DUSP10: variants seen among roughly 807,000 people sequenced by gnomAD.
DUSP10 encodes the protein dual specificity protein phosphatase 10.
A neutral mutation model predicts 30.8 loss-of-function variants in DUSP10; 14 were observed. That is an observed-to-expected ratio of 0.46 (90% CI 0.30 to 0.71). The LOEUF is 0.71. DUSP10 is among the 30% of genes least tolerant of loss of function. The pLI, the probability that DUSP10 is intolerant of heterozygous loss-of-function variation, is 0.08. For synonymous variants in DUSP10, 254 were observed against 250.4 expected, an observed-to-expected ratio of 1.01 and a Z score of -0.14; for missense variants, 550 against 619.4, an observed-to-expected ratio of 0.89 and a Z score of 1.19.
chr1:221,739,768 CAAG>C lies in DUSP10; in HGVS notation c.-27_-25del, dbSNP rs760865445. The C allele has an allele frequency of 6.5e-6, 10 of 1,548,868 alleles. No homozygotes were observed. In the East Asian group the frequency reaches 6.8e-5, roughly 10 times the overall value. ...ATGAGGAGGCTGAAAACTGGCAATT[CAAG>C]AAGAACTCAAGACAGTCTGTAAAGA... On this transcript the variant is annotated 5_prime_UTR_variant, in exon 2 of 4. Transcript: ENST00000366899.
rs1660770128 is a variant in DUSP10 at position 221,706,598 on chromosome 1, C to T, written c.812-132G>A. The T allele has an allele frequency of 1.7e-6, 1 of 575,698 alleles. No homozygotes were observed. The highest frequency in any genetic ancestry group is 4.2e-5 in the Admixed American group (1 of 23,830). 35.7% of individuals were successfully genotyped at this position (575,698 alleles called of 1,614,324 possible). On this transcript the variant is annotated intron_variant, in intron 2 of 3. Coordinates refer to ENST00000366899, the MANE Select transcript of DUSP10 (RefSeq NM_007207.6). This position sits in a 1 kb window ranked among gnomAD's most constrained non-coding sequence, Gnocchi z 4.6. Reference sequence around the variant, plus strand: ...ATACATATATAAATATGTATTTAAGCAAAAAAAATAAAAATAAAAATAAAA... The same window carrying T: ...ATACATATATAAATATGTATTTAAGTAAAAAAAATAAAAATAAAAATAAAA...
Position 221,702,319 on chromosome 1 carries a change from CA to C in DUSP10, c.*92del, listed in dbSNP as rs3215279. 0.089 allele frequency: 81,704 copies of C among 920,456 alleles called. 3 individuals carry two copies. The highest frequency in any genetic ancestry group is 0.14 in the South Asian group (6,084 of 42,258). 57.0% of individuals were successfully genotyped at this position (920,456 alleles called of 1,614,324 possible). On this transcript the variant is annotated 3_prime_UTR_variant, in exon 4 of 4. Transcript: ENST00000366899. This position sits in a 1 kb window ranked among gnomAD's most constrained non-coding sequence, Gnocchi z 4.5. ...CCATTCACAAACTTACTCCCAACTA[CA>C]AAAAAAAAAAGAAAGAAAAAAAACC...
chr1:221,730,732 C>G (rs1338431486), intron 2 of DUSP10, among the ~76,000 whole-genome samples: 1 of 152,076 alleles, frequency 6.6e-6, no homozygotes, highest in Non-Finnish European at 1.5e-5. Flanking sequence ...AACATACGCT[C>G]AAAGTTTCTT....
rs754236948 is a variant in DUSP10, at chr1:221,706,453, A to G, written c.825T>C (p.Ser275=). 6 of 1,514,982 alleles carry G rather than the reference A, an allele frequency of 4.0e-6. No individual in the cohort carries two copies. Among genetic ancestry groups the G allele is most frequent in the Non-Finnish European group, 5.3e-6 (6 of 1,131,726 alleles). 93.8% of individuals were successfully genotyped at this position (1,514,982 alleles called of 1,614,324 possible). A position where few individuals can be genotyped will look rare whatever the true frequency, so the allele number is the denominator to read the frequency against. Residue 275 remains serine (S), a synonymous_variant, in exon 3 of 4, where the codon AGT becomes AGC. Transcript: ENST00000366899. The surrounding 1 kb of genome is among the most constrained non-coding windows in gnomAD (Gnocchi z 4.6). ...AGAGGTTTTCATGGTTCTGCTTAAA[A>G]CTACTAAGTCCACCTAGAACACAAA... The part of the protein sequence containing the change: ...EPLVLKGGLS[S]FKQNHENLCD...
Position 221,739,409 on chromosome 1 carries a change from G to C in DUSP10, c.336C>G (p.Cys112Trp). The change falls in exon 2 of 4, where the codon TGC becomes TGG. Residue 112 changes from cysteine (C) to tryptophan (W), a missense_variant. Physicochemically the swap from Cys to Trp is radical, Grantham distance 215. Transcript: ENST00000366899. ...TATTGTTGACCATCTGGTTAGCAGG[G>C]CAGGTGGTAGAGGTTCCGATGGCAG... is the stretch of plus-strand genomic sequence containing the variant. Reference protein sequence around the residue: ...TTTAIGTSTTCPANQMVNNNE... With the variant: ...TTTAIGTSTTWPANQMVNNNE... The C allele has an allele frequency of 1.2e-6, 2 of 1,614,196 alleles. No individual in the cohort carries two copies. Among genetic ancestry groups the C allele is most frequent in the Non-Finnish European group, 1.7e-6 (2 of 1,180,042 alleles).
chr1:221,739,602 G>A lies in DUSP10; in HGVS notation c.143C>T (p.Thr48Ile). 1.2e-6 allele frequency: 2 copies of A among 1,614,220 alleles called. No individual in the cohort carries two copies. The highest frequency in any genetic ancestry group is 8.5e-7 in the Non-Finnish European group (1 of 1,180,036). ...GSNSHPPVIA[T>I]TVVSLKAANL... ...CGCAGCCTTGAGGGACACAACGGTGGTGGCGATGACAGGAGGGTGGCTGTT... is the reference window on the plus strand; with the variant it reads ...CGCAGCCTTGAGGGACACAACGGTGATGGCGATGACAGGAGGGTGGCTGTT... Residue 48 changes from threonine to isoleucine, a missense_variant, in exon 2 of 4, where the codon ACC (threonine) becomes ATC (isoleucine). Coordinates refer to ENST00000366899, the MANE Select transcript of DUSP10 (RefSeq NM_007207.6).
At chr1:221,736,876 C>T (rs1271843426) in intron 2 of DUSP10, 10 of 985,308 alleles carry the variant, frequency 1.0e-5, no homozygotes, top group African/African-American at 1.7e-5. Context: ...AGTCGACTGC[C>T]GCGGTGTCTC....
chr1:221,702,815 A>T lies in DUSP10; in HGVS notation c.1184-138T>A. 2.3e-6 allele frequency: 2 copies of T among 878,760 alleles called. No individual in the cohort carries two copies. The highest frequency in any genetic ancestry group is 5.5e-5 in the Admixed American group (2 of 36,050). 54.4% of individuals were successfully genotyped at this position (878,760 alleles called of 1,614,324 possible). A position where few individuals can be genotyped will look rare whatever the true frequency, so the allele number is the denominator to read the frequency against. ...TAAAACAGTTTTAAAGCCAAGTATA[A>T]TCCACTAGTTCATTACGTATACTTA... On this transcript the variant is annotated intron_variant, in intron 3 of 3. Coordinates refer to ENST00000366899, the MANE Select transcript of DUSP10 (RefSeq NM_007207.6). This position sits in a 1 kb window ranked among gnomAD's most constrained non-coding sequence, Gnocchi z 4.5.
At chr1:221,711,609 G>A (rs986380134) in intron 2 of DUSP10, 1 of 152,192 alleles carries the variant, frequency 6.6e-6, no homozygotes, top group Non-Finnish European at 1.5e-5. Context: ...GATTGCTTGA[G>A]TTAAAACTCC....
At position 221,737,350 on chromosome 1, in the gene DUSP10, GA is replaced by G. The variant is rs1215919840; in HGVS notation, c.811+1583del. ...CCCCAAGACAAACTATTACAAATGG[GA>G]AATTCCTCGGTAGGATTTTCTCATT... On this transcript the variant is annotated intron_variant, in intron 2 of 3. Transcript: ENST00000366899. 5 of 985,238 alleles carry G rather than the reference GA, an allele frequency of 5.1e-6. No individual in the cohort carries two copies. In the Admixed American group the frequency reaches 3.1e-4, roughly 61 times the overall value. The allele number at this position is 985,238 out of a possible 1,614,324, so 61.0% of individuals were successfully genotyped here.
chr1:221,718,961 C>A (rs1226600887), intron 2 of DUSP10, among the ~76,000 whole-genome samples: 2 of 152,170 alleles, frequency 1.3e-5, no homozygotes, highest in Non-Finnish European at 2.9e-5. Flanking sequence ...TGGGGGAAAG[C>A]AGTAAGCAAG....
In DUSP10 at chr1:221,706,091, T is replaced by C; in HGVS notation, c.1183+4A>G. The C allele has an allele frequency of 6.2e-7, 1 of 1,610,790 alleles. No homozygotes were observed. Among genetic ancestry groups the C allele is most frequent in the Non-Finnish European group, 8.5e-7 (1 of 1,177,800 alleles). ...GATGAAAATTCCCTATGGGAGATAGTTACCAATGAACTCAAAAGCCTCTTC... is the reference window on the plus strand; with the variant it reads ...GATGAAAATTCCCTATGGGAGATAGCTACCAATGAACTCAAAAGCCTCTTC... On this transcript the variant is annotated splice_donor_region_variant and intron_variant, in intron 3 of 3. Transcript: ENST00000366899. This position sits in a 1 kb window ranked among gnomAD's most constrained non-coding sequence, Gnocchi z 4.6.
intron 2 of DUSP10, among the ~76,000 whole-genome samples, chr1:221,738,607 A>C (rs967468474): frequency 2.0e-5 from 3 of 152,260 alleles, no homozygotes; most frequent in African/African-American, 7.2e-5. Context: ...GAGCTAGCAG[A>C]CCAGGCATGA....
rs2102614574 is a variant in DUSP10 at position 221,706,652 on chromosome 1, T to C, written c.812-186A>G. 6.6e-6 allele frequency among the ~76,000 whole-genome samples: 1 copy of C among 152,190 alleles called. No individual in the cohort carries two copies. The highest frequency in any genetic ancestry group is 1.5e-5 in the Non-Finnish European group (1 of 67,978). The stretch of plus-strand genomic sequence containing the variant: ...AACAAAACAAAAACTAAAAGTCCAT[T>C]TGGAGACCCAAGACAAGCTTCGGGG... On this transcript the variant is annotated intron_variant, in intron 2 of 3. Transcript: ENST00000366899. The surrounding 1 kb of genome is among the most constrained non-coding windows in gnomAD (Gnocchi z 4.6).
chr1:221,730,049 T>C (rs1001261377), intron 2 of DUSP10, among the ~76,000 whole-genome samples: 4 of 152,090 alleles, frequency 2.6e-5, no homozygotes, highest in Middle Eastern at 6.3e-3. Context: ...TCAACCCTCA[T>C]GTTATTCTTT....
At chr1:221,741,255 T>C (rs1176124282) in intron 1 of DUSP10, among the ~76,000 whole-genome samples, 2 of 152,202 alleles carry the variant, frequency 1.3e-5, no homozygotes, top group African/African-American at 4.8e-5. Context: ...CCAGAAGCTA[T>C]AACTGTTTCC....
At chr1:221,725,931 C>T (rs1661412018) in intron 2 of DUSP10, among the ~76,000 whole-genome samples, 1 of 152,200 alleles carries the variant, frequency 6.6e-6, no homozygotes, top group African/African-American at 2.4e-5. Context: ...CCAGATCATT[C>T]ACTTCCACAA....
chr1:221,702,530 A>G lies in DUSP10; in HGVS notation c.1331T>C (p.Ile444Thr). 2 of 1,614,166 alleles carry G rather than the reference A, an allele frequency of 1.2e-6. No homozygotes were observed. Among genetic ancestry groups the G allele is most frequent in the Non-Finnish European group, 1.7e-6 (2 of 1,180,030 alleles). ...CATGAAGTTAAGGTTTGGGGAGATA[A>G]TTGGTCGTTTGCCTTTGACAAATTT... ...AYKFVKGKRP[I>T]ISPNLNFMGQ... The change falls in exon 4 of 4, where the codon ATT (isoleucine) becomes ACT (threonine). Residue 444 changes from isoleucine (I) to threonine (T), a missense_variant. Coordinates refer to ENST00000366899, the MANE Select transcript of DUSP10 (RefSeq NM_007207.6). The surrounding 1 kb of genome is among the most constrained non-coding windows in gnomAD (Gnocchi z 4.5).
At chr1:221,710,050 G>A (rs535463808) in intron 2 of DUSP10, among the ~76,000 whole-genome samples, 1 of 152,244 alleles carries the variant, frequency 6.6e-6, no homozygotes, top group East Asian at 1.9e-4. Context: ...GTGCAAGTCA[G>A]GTTCCCTCAT....
Sources: allele counts gnomAD v4.1 joint callset (sites outside exome capture counted in the v4.1 genomes callset), GRCh38; gene constraint gnomAD v4.1.1; non-coding constraint Gnocchi (gnomAD v3.1); transcripts MANE v1.5; gene names NCBI Gene and HGNC (gene_info 2026-07-23, HGNC 2026-07-21).